MID1: variants seen among roughly 807,000 people sequenced by gnomAD.
MID1 encodes the protein E3 ubiquitin-protein ligase Midline-1.
MID1 carries 7 observed loss-of-function variants against 40.4 expected under a neutral mutation model. The ratio of observed to expected loss-of-function variants is 0.17; its 90% CI spans 0.10 to 0.33. The LOEUF is 0.33. MID1 is among the 10% of genes least tolerant of loss of function. The pLI is 1.00. For synonymous variants in MID1, 229 were observed against 221.2 expected (o/e 1.04, Z -0.31); for missense variants, 367 against 558.5 (o/e 0.66, Z 3.46).
chrX:10,637,498 G>A lies in MID1; in HGVS notation c.-186-17079C>T, dbSNP rs192104412. On this transcript the variant is annotated intron_variant, in intron 1 of 10. Coordinates refer to the MID1 transcript ENST00000380785. ...AAATTAGCCAGGCATGGTGGTGCAC[G>A]CCTGTAATCCCAGCTACTCAGGAAG... 5.5e-5 allele frequency among the ~76,000 whole-genome samples: 6 copies of A among 109,070 alleles called. No individual in the cohort carries two copies. The East Asian group carries it at 1.2e-3, about 21-fold the overall frequency. The allele number at this position is 109,070 out of a possible 115,157, so 94.7% of individuals were successfully genotyped here.
At chrX:10,623,254 GA>G (rs201353108), upstream of MID1, among the ~76,000 whole-genome samples, 2 of 61,445 alleles carry the variant, frequency 3.3e-5, no homozygotes, top group African/African-American at 6.1e-5. Context: ...CGAAAAAAAA[GA>G]AAAAAAAATA....
chrX:10,518,508 G>A (rs1328716552), intron 3 of MID1, among the ~76,000 whole-genome samples: 3 of 108,779 alleles, frequency 2.8e-5, no homozygotes, highest in Admixed American at 1.0e-4. Context: ...ATATGTATCC[G>A]TTTCTGGCAT....
At chrX:10,656,138 G>A (rs1341839417) in intron 1 of MID1, among the ~76,000 whole-genome samples, 3 of 112,156 alleles carry the variant, frequency 2.7e-5, no homozygotes, top group Non-Finnish European at 5.6e-5. Context: ...ATCAAAAGAA[G>A]TTCTAACTAA....
intron 4 of MID1, among the ~76,000 whole-genome samples, chrX:10,494,026 T>A (rs1430039952): frequency 8.9e-6 from 1 of 112,105 alleles, no homozygotes; most frequent in African/African-American, 3.2e-5. Context: ...ATGAAATATA[T>A]CCTGTAAGGA....
chrX:10,625,791 C>G (rs1401912943), intron 1 of MID1, among the ~76,000 whole-genome samples: 1 of 112,030 alleles, frequency 8.9e-6, no homozygotes. Context: ...TTGGAAACCA[C>G]TCAAAGATGT....
chrX:10,666,352 T>C (rs2042950885), intron 1 of MID1, among the ~76,000 whole-genome samples: 1 of 104,354 alleles, frequency 9.6e-6, no homozygotes, highest in African/African-American at 3.6e-5. Context: ...GAGATACTGG[T>C]AGTTTATAGC....
chrX:10,637,020 T>G (rs1247328016), intron 1 of MID1, among the ~76,000 whole-genome samples: 4 of 105,911 alleles, frequency 3.8e-5, no homozygotes, highest in African/African-American at 1.4e-4. Context: ...ATACATTCCA[T>G]CTGGTATGTT....
intron 1 of MID1, among the ~76,000 whole-genome samples, chrX:10,672,948 T>C (rs752604204): frequency 2.7e-5 from 3 of 111,082 alleles, no homozygotes; most frequent in Non-Finnish European, 5.7e-5. Flanking sequence ...AGCCTCCCAA[T>C]GTGCTGGGAT....
At position 10,643,848 on chromosome X, in the gene MID1, C is replaced by T. The variant is rs750661827; in HGVS notation, c.-186-23429G>A. Among the ~76,000 whole-genome samples, 517 of 111,754 alleles carry T rather than the reference C, an allele frequency of 4.6e-3. 3 individuals are homozygous for T. Among genetic ancestry groups the T allele is most frequent in the African/African-American group, 0.016 (500 of 30,720 alleles). On this transcript the variant is annotated intron_variant, in intron 1 of 10. Coordinates refer to the MID1 transcript ENST00000380785. Reference sequence around the variant, plus strand: ...CCATAAAAAATGATGAGTTCATGTCCTTTGTAGGGACAAGGATGAAGCTGG... The same window carrying T: ...CCATAAAAAATGATGAGTTCATGTCTTTTGTAGGGACAAGGATGAAGCTGG...
intron 3 of MID1, 137 bp from the exon 4 acceptor site, chrX:10,495,828 A>G: frequency 2.0e-6 from 1 of 509,863 alleles, no homozygotes; most frequent in Non-Finnish European, 3.4e-6. Flanking sequence ...CGATTACGCA[A>G]GGATTGCAAA....
intron 1 of MID1, among the ~76,000 whole-genome samples, chrX:10,784,744 C>T (rs1164621140): frequency 9.0e-6 from 1 of 110,755 alleles, no homozygotes; most frequent in East Asian, 2.8e-4. Context: ...CCGCACCTGG[C>T]CTACGAGTTG....
intron 4 of MID1, among the ~76,000 whole-genome samples, chrX:10,495,302 A>G (rs1931186996): frequency 8.9e-6 from 1 of 111,753 alleles, no homozygotes; most frequent in African/African-American, 3.2e-5. Flanking sequence ...AGTGAGATAG[A>G]AAACAATGGC....
intron 1 of MID1, among the ~76,000 whole-genome samples, chrX:10,667,590 A>C (rs769380502): frequency 1.8e-5 from 2 of 112,212 alleles, no homozygotes; most frequent in East Asian, 5.6e-4. Flanking sequence ...CTAAAGTTTT[A>C]TGAAATTTTA....
intron 2 of MID1, among the ~76,000 whole-genome samples, chrX:10,546,856 T>A (rs372075478): frequency 9.2e-4 from 103 of 112,450 alleles, no homozygotes; most frequent in African/African-American, 3.2e-3. Flanking sequence ...GATAAAATCA[T>A]CCTCCAGTAT....
chrX:10,656,347 C>G (rs1479528981), intron 1 of MID1, among the ~76,000 whole-genome samples: 1 of 112,122 alleles, frequency 8.9e-6, no homozygotes, highest in Non-Finnish European at 1.9e-5. Flanking sequence ...CTTCTCCTCC[C>G]TCCTCTTCAA....
chrX:10,718,661 A>G (rs1271727424), intron 1 of MID1, among the ~76,000 whole-genome samples: 2 of 112,061 alleles, frequency 1.8e-5, no homozygotes, highest in East Asian at 2.8e-4. Flanking sequence ...GATTCCAATC[A>G]ATAGAAAAAG....
chrX:10,592,447 A>G (rs1935327716), intron 1 of MID1, among the ~76,000 whole-genome samples: 1 of 109,380 alleles, frequency 9.1e-6, no homozygotes, highest in Admixed American at 9.9e-5. Flanking sequence ...AATAAATGGG[A>G]TAGAAAGCAT....
chrX:10,502,111 A>G (rs1244216723), intron 3 of MID1, among the ~76,000 whole-genome samples: 2 of 112,220 alleles, frequency 1.8e-5, no homozygotes, highest in African/African-American at 6.5e-5. Context: ...TTCAGTGCAG[A>G]GTATAAACAT....
At chrX:10,738,711 C>A (rs773253142) in intron 1 of MID1, among the ~76,000 whole-genome samples, 1 of 110,764 alleles carries the variant, frequency 9.0e-6, no homozygotes, top group African/African-American at 3.3e-5. Context: ...CAGAGACAAA[C>A]AAATGCAATC....
Sources: gnomAD v4.1 joint callset for allele counts (sites outside exome capture counted in the v4.1 genomes callset) on GRCh38, gnomAD v4.1.1 for gene constraint, MANE v1.5 for transcripts, NCBI Gene and HGNC (gene_info 2026-07-23, HGNC 2026-07-21) for gene names.